The following MCCC2 variants were observed in gnomAD, a reference collection of about 807,000 sequenced individuals.
The protein encoded by MCCC2 is methylcrotonyl-CoA carboxylase subunit 2, also known as methylcrotonoyl-CoA carboxylase beta chain, mitochondrial.
A neutral mutation model predicts 77.2 loss-of-function variants in MCCC2; 52 were observed. That is an observed-to-expected ratio of 0.67 (90% CI 0.54 to 0.85). MCCC2 has a LOEUF of 0.85. Among genes scored for constraint, MCCC2 ranks in the 40% least tolerant of loss-of-function variants. MCCC2 has a pLI of 0.00. For missense variants in MCCC2, 682 were observed against 703.2 expected (o/e 0.97, Z 0.34); for synonymous variants, 253 against 248.4 (o/e 1.02, Z -0.18).
rs1171976059 is a variant in MCCC2, at chr5:71,643,849, G to T, written c.1103G>T (p.Gly368Val). Residue 368 changes from glycine to valine, a missense_variant, in exon 12 of 17, where the codon GGT becomes GTT. Coordinates refer to ENST00000340941, the MANE Select transcript of MCCC2 (RefSeq NM_022132.5). ...GCTCGAATATTTGGGTACCCAGTAG[G>T]TATCGTTGGAAACAACGGAGTTCTC... ...GFARIFGYPV[G>V]IVGNNGVLFS... is the part of the protein sequence containing the mutation. 1 of 1,614,112 alleles carries T rather than the reference G, an allele frequency of 6.2e-7. No homozygotes were observed. Among genetic ancestry groups the T allele is most frequent in the East Asian group, 2.2e-5 (1 of 44,872 alleles).
At position 71,635,026 on chromosome 5, in the gene MCCC2, A is replaced by C. The variant is rs1409709657; in HGVS notation, c.887A>C (p.Tyr296Ser). 6.2e-7 allele frequency: 1 copy of C among 1,614,152 alleles called. No homozygotes were observed. The highest frequency in any genetic ancestry group is 8.5e-7 in the Non-Finnish European group (1 of 1,180,016). ...AGGAAGGTTGTGAGGAATCTAAATT[A>C]TCAGAAGAAATTGGATGTGAGTACG... is the stretch of plus-strand genomic sequence containing the variant. The part of the protein sequence containing the change: ...LTRKVVRNLN[Y>S]QKKLDVTIEP... The change falls in exon 9 of 17, where the codon TAT becomes TCT. Residue 296 changes from tyrosine (Y) to serine (S), a missense_variant. Coordinates refer to ENST00000340941, the MANE Select transcript of MCCC2 (RefSeq NM_022132.5).
At chr5:71,648,159 G>GC (rs1239917845) in intron 13 of MCCC2, among the ~76,000 whole-genome samples, 1 of 152,232 alleles carries the variant, frequency 6.6e-6, no homozygotes, top group African/African-American at 2.4e-5. Context: ...TGCTCTGGAG[G>GC]AACTGGTTGG....
At chr5:71,650,679 C>T (rs1301948974) in intron 15 of MCCC2, among the ~76,000 whole-genome samples, 4 of 151,702 alleles carry the variant, frequency 2.6e-5, no homozygotes, top group Non-Finnish European at 5.9e-5. Context: ...GACAGAGTCT[C>T]GCTTTGTCGC....
At chr5:71,611,643 A>G (rs1020431972) in intron 6 of MCCC2, among the ~76,000 whole-genome samples, 3 of 152,192 alleles carry the variant, frequency 2.0e-5, no homozygotes, top group Non-Finnish European at 4.4e-5. Flanking sequence ...ATCCTACTGT[A>G]TATTATTTGT....
intron 1 of MCCC2, among the ~76,000 whole-genome samples, chr5:71,591,734 G>A (rs112734765): frequency 0.012 from 1,784 of 151,966 alleles, 11 homozygotes; most frequent in Admixed American, 0.021. Flanking sequence ...ACCACGGCTG[G>A]CCGAGTTTTG....
chr5:71,612,752 A>C (rs1379633297), intron 6 of MCCC2, among the ~76,000 whole-genome samples: 4 of 152,224 alleles, frequency 2.6e-5, no homozygotes, highest in African/African-American at 4.8e-5. Flanking sequence ...ACAGCAATTT[A>C]TGTATTTATT....
intron 4 of MCCC2, among the ~76,000 whole-genome samples, chr5:71,601,180 T>A (rs955633323): frequency 1.3e-5 from 2 of 152,236 alleles, no homozygotes; most frequent in African/African-American, 4.8e-5. Flanking sequence ...TTTCTCATTC[T>A]GTAACAAGTC....
Position 71,600,329 on chromosome 5 carries a change from CT to C in MCCC2, c.383+575del, listed in dbSNP as rs1184880302. 2.0e-5 allele frequency among the ~76,000 whole-genome samples: 3 copies of C among 151,816 alleles called. No homozygotes were observed. In the East Asian group the frequency reaches 5.8e-4, roughly 29 times the overall value. ...TTAATTATAAATTCTTTCTTTTTTC[CT>C]TTTTTGTTTTTTTTAGAGATGGTGT... is the stretch of plus-strand genomic sequence containing the variant. On this transcript the variant is annotated intron_variant, in intron 4 of 16. Transcript: ENST00000340941.
chr5:71,625,854 C>T (rs1746513662), intron 6 of MCCC2, among the ~76,000 whole-genome samples: 1 of 152,108 alleles, frequency 6.6e-6, no homozygotes, highest in Non-Finnish European at 1.5e-5. Flanking sequence ...ATAAGGAAAA[C>T]TGATGGAATA....
chr5:71,632,789 G>A lies in MCCC2; in HGVS notation c.803+604G>A, dbSNP rs542714961. Among the ~76,000 whole-genome samples, 5 of 152,158 alleles carry A rather than the reference G, an allele frequency of 3.3e-5. No individual in the cohort carries two copies. In the South Asian group the frequency reaches 1.0e-3, roughly 32 times the overall value. On this transcript the variant is annotated intron_variant, in intron 8 of 16. Transcript: ENST00000340941. ...GAATCAGACACAGATGCACGTAGTT[G>A]GCTCTTGTGAGTTAGCTGTGAGCTG...
intron 8 of MCCC2, among the ~76,000 whole-genome samples, chr5:71,632,845 A>T (rs1746765916): frequency 6.6e-6 from 1 of 152,072 alleles, no homozygotes. Flanking sequence ...TGACCATGTT[A>T]GGTTAGAGTG....
chr5:71,638,356 TA>T (rs1747001610), intron 10 of MCCC2, among the ~76,000 whole-genome samples: 1 of 152,228 alleles, frequency 6.6e-6, no homozygotes, highest in Non-Finnish European at 1.5e-5. Flanking sequence ...CCAGTATCTT[TA>T]ATTTAATTAA....
intron 16 of MCCC2, among the ~76,000 whole-genome samples, chr5:71,655,820 T>C (rs1003648431): frequency 6.6e-6 from 1 of 152,266 alleles, no homozygotes; most frequent in Non-Finnish European, 1.5e-5. Flanking sequence ...CTAAAATTTC[T>C]ACTTAAAAGT....
chr5:71,635,481 C>T (rs575747439), intron 10 of MCCC2: 19 of 567,298 alleles, frequency 3.3e-5, no homozygotes, highest in East Asian at 2.1e-4. Context: ...GTTTTCATTG[C>T]GCAAAAAGTG....
At chr5:71,652,959 A>C (rs909119106) in intron 16 of MCCC2, among the ~76,000 whole-genome samples, 13 of 152,230 alleles carry the variant, frequency 8.5e-5, no homozygotes, top group African/African-American at 2.7e-4. Flanking sequence ...GCATCCCTGC[A>C]CTGTGGACTC....
chr5:71,644,048 TGTGTGTGTGTGTGTGTGTGTGTGCGC>T (rs1315513353), intron 12 of MCCC2, among the ~76,000 whole-genome samples, 153 bp downstream of exon 12: 2 of 147,100 alleles, frequency 1.4e-5, no homozygotes, highest in African/African-American at 2.6e-5. Flanking sequence ...TGTGTGTGTG[TGTGTGTGTGTGTGTGTGTGTGTGCGC>T]GCGTGTGTAT....
chr5:71,651,619 C>A (rs79473888), intron 15 of MCCC2, among the ~76,000 whole-genome samples: 130 of 152,294 alleles, frequency 8.5e-4, no homozygotes, highest in African/African-American at 3.1e-3. Context: ...TACTGCCTCC[C>A]TGAATGCATC....
chr5:71,629,312 G>A (rs545270744), intron 7 of MCCC2, among the ~76,000 whole-genome samples: 6 of 152,290 alleles, frequency 3.9e-5, no homozygotes, highest in African/African-American at 1.4e-4. Context: ...ATTAGTTGTT[G>A]CCAGGGACTA....
chr5:71,649,215 TGGAGCC>T lies in MCCC2; in HGVS notation c.1339_1344del (p.Ala447_Gly448del). The T allele has an allele frequency of 6.2e-7, 1 of 1,614,056 alleles. No homozygotes were observed. Among genetic ancestry groups the T allele is most frequent in the Non-Finnish European group, 8.5e-7 (1 of 1,179,872 alleles). On this transcript the variant is annotated inframe_deletion, in exon 14 of 17. Transcript: ENST00000340941. ...TAACCCTCATCATTGGGGGCTCCTA[TGGAGCC>T]GGAAACTATGGGATGTGTGGCAGAG...
Sources: allele counts gnomAD v4.1 joint callset (sites outside exome capture counted in the v4.1 genomes callset), GRCh38; gene constraint gnomAD v4.1.1; transcripts MANE v1.5; gene names NCBI Gene and HGNC (gene_info 2026-07-23, HGNC 2026-07-21).